NCAM2: variants seen among roughly 807,000 people sequenced by gnomAD.
The protein encoded by NCAM2 is neural cell adhesion molecule 2, also known as N-CAM-2.
NCAM2 carries 30 observed loss-of-function variants against 98.1 expected under a neutral mutation model. The ratio of observed to expected loss-of-function variants is 0.31; its 90% CI spans 0.23 to 0.41. The LOEUF is 0.41. NCAM2 is among the 10% of genes least tolerant of loss of function. The pLI, the probability that NCAM2 is intolerant of heterozygous loss-of-function variation, is 1.00. For synonymous variants in NCAM2, 368 were observed against 342.4 expected (o/e 1.07, Z -0.83); for missense variants, 867 against 1,005.8 (o/e 0.86, Z 1.87).
intron 1 of NCAM2, among the ~76,000 whole-genome samples, chr21:21,189,296 A>T (rs1208170673): frequency 6.6e-6 from 1 of 152,188 alleles, no homozygotes; most frequent in Non-Finnish European, 1.5e-5. Context: ...ATAATAAAAT[A>T]AAAATAAAAC....
chr21:21,202,544 G>A (rs1430950744), intron 1 of NCAM2, among the ~76,000 whole-genome samples: 1 of 147,196 alleles, frequency 6.8e-6, no homozygotes, highest in East Asian at 2.1e-4. Flanking sequence ...AGCCTCCCAA[G>A]TAGCTGGGAA....
intron 9 of NCAM2, among the ~76,000 whole-genome samples, chr21:21,388,401 GCA>G (rs1405569512): frequency 6.6e-6 from 1 of 152,138 alleles, no homozygotes; most frequent in Non-Finnish European, 1.5e-5. Context: ...TACATTCCAG[GCA>G]GAGGGAACAA....
chr21:21,177,467 C>G (rs775992745), intron 1 of NCAM2, among the ~76,000 whole-genome samples: 20 of 151,968 alleles, frequency 1.3e-4, no homozygotes, highest in Admixed American at 6.6e-4. Context: ...TTAGCATTAC[C>G]AAATGCACCT....
intron 1 of NCAM2, among the ~76,000 whole-genome samples, chr21:21,188,299 AC>A (rs2063776289): frequency 1.3e-5 from 2 of 152,184 alleles, no homozygotes; most frequent in Admixed American, 1.3e-4. Context: ...ATAAATACTT[AC>A]AAATTTTTGC....
intron 1 of NCAM2, among the ~76,000 whole-genome samples, chr21:21,180,948 T>C (rs2826720): frequency 0.32 from 49,329 of 152,034 alleles, 9,319 homozygotes; most frequent in Non-Finnish European, 0.44. Context: ...GCACATGTAT[T>C]TTAAAGAATG....
At chr21:21,380,508 T>G (rs1187307149) in intron 9 of NCAM2, among the ~76,000 whole-genome samples, 1 of 152,104 alleles carries the variant, frequency 6.6e-6, no homozygotes, top group African/African-American at 2.4e-5. Flanking sequence ...GCTAAAATCA[T>G]GTGTGGGTCG....
At chr21:21,040,475 C>T (rs1423464527) in intron 1 of NCAM2, among the ~76,000 whole-genome samples, 6 of 152,068 alleles carry the variant, frequency 3.9e-5, no homozygotes, top group East Asian at 1.9e-4. Context: ...CCAATGGAAA[C>T]GTCCACTATA....
intron 1 of NCAM2, among the ~76,000 whole-genome samples, chr21:21,031,719 A>G (rs1463766960): frequency 6.6e-6 from 1 of 152,198 alleles, no homozygotes; most frequent in East Asian, 1.9e-4. Context: ...CCTTTTCCAA[A>G]TGAACTGAAC....
At chr21:21,336,456 C>T (rs1040424100) in intron 7 of NCAM2, among the ~76,000 whole-genome samples, 1 of 151,676 alleles carries the variant, frequency 6.6e-6, no homozygotes, top group African/African-American at 2.4e-5. Flanking sequence ...TGGAGATATA[C>T]CTAATGTTAA....
At position 21,088,721 on chromosome 21, in the gene NCAM2, G is replaced by A. The variant is rs151021500; in HGVS notation, c.55+90103G>A. 7.0e-4 allele frequency among the ~76,000 whole-genome samples: 106 copies of A among 152,224 alleles called. No individual in the cohort carries two copies. The East Asian group carries it at 0.015, about 21-fold the overall frequency. ...AAGAGACATTCTTGGGGCTAGGAGCGGTGGCTCACGCCTGTAATCCCAGCA... is the reference window on the plus strand; with the variant it reads ...AAGAGACATTCTTGGGGCTAGGAGCAGTGGCTCACGCCTGTAATCCCAGCA... On this transcript the variant is annotated intron_variant, in intron 1 of 17. Coordinates refer to ENST00000400546, the MANE Select transcript of NCAM2 (RefSeq NM_004540.5).
chr21:21,433,745 T>TAAAATAAA (rs1307308916), intron 12 of NCAM2, among the ~76,000 whole-genome samples: 1 of 69,690 alleles, frequency 1.4e-5, no homozygotes, highest in Non-Finnish European at 2.9e-5. Flanking sequence ...TCCATCTCAA[T>TAAAATAAA]AAAATAAAAT....
chr21:20,998,694 C>G, intron 1 of NCAM2, 76 bp downstream of exon 1: 1 of 1,360,508 alleles, frequency 7.4e-7, no homozygotes, highest in African/African-American at 1.4e-5. Context: ...GAGGGAGGCG[C>G]AGGAAGAATG....
intron 13 of NCAM2, among the ~76,000 whole-genome samples, 183 bp downstream of exon 13, chr21:21,466,908 G>C (rs1007086208): frequency 1.3e-5 from 2 of 151,948 alleles, no homozygotes; most frequent in African/African-American, 4.8e-5. Flanking sequence ...TTGCTTTAGA[G>C]CAAGGCAGAA....
At chr21:21,152,488 C>T (rs1293303887) in intron 1 of NCAM2, among the ~76,000 whole-genome samples, 2 of 151,768 alleles carry the variant, frequency 1.3e-5, no homozygotes, top group South Asian at 2.1e-4. Context: ...AGTTTCTAGA[C>T]GTTGGTATTT....
At chr21:21,370,181 G>T (rs2075883909) in intron 8 of NCAM2, among the ~76,000 whole-genome samples, 2 of 151,708 alleles carry the variant, frequency 1.3e-5, no homozygotes, top group South Asian at 4.1e-4. Flanking sequence ...CCTCACCTTT[G>T]TCTACCAAAT....
At chr21:21,058,583 T>C (rs2065258704) in intron 1 of NCAM2, among the ~76,000 whole-genome samples, 1 of 152,094 alleles carries the variant, frequency 6.6e-6, no homozygotes, top group African/African-American at 2.4e-5. Flanking sequence ...TGTGTAAACC[T>C]ATGTGAAGTG....
At chr21:21,537,788 T>G (rs1990061415) in intron 17 of NCAM2, 58 bp from the exon 18 acceptor site, 1 of 828,252 alleles carries the variant, frequency 1.2e-6, no homozygotes, top group Non-Finnish European at 1.9e-6. Context: ...ACTTAAAGGT[T>G]AAGGTACGTC....
intron 16 of NCAM2, among the ~76,000 whole-genome samples, chr21:21,513,216 A>G (rs1988504171): frequency 6.6e-6 from 1 of 151,816 alleles, no homozygotes; most frequent in East Asian, 1.9e-4. Flanking sequence ...TAGCTTTATT[A>G]TTTATTTTCT....
chr21:21,106,416 G>A (rs144409411), intron 1 of NCAM2, among the ~76,000 whole-genome samples: 1 of 147,142 alleles, frequency 6.8e-6, no homozygotes, highest in African/African-American at 2.6e-5. Context: ...GAGATTCTTT[G>A]TGCCAACATT....
Sources: gnomAD v4.1 joint callset for allele counts (sites outside exome capture counted in the v4.1 genomes callset) on GRCh38, gnomAD v4.1.1 for gene constraint, MANE v1.5 for transcripts, NCBI Gene and HGNC (gene_info 2026-07-23, HGNC 2026-07-21) for gene names.